CADM2: variants seen among roughly 807,000 people sequenced by gnomAD.
CADM2 encodes the protein immunoglobulin superfamily member 4D.
Under a neutral mutation model 49.8 loss-of-function variants are expected in CADM2, and 12 were observed. The observed-to-expected ratio is 0.24, with a 90% CI of 0.15 to 0.39. The LOEUF (loss-of-function observed/expected upper bound fraction) is 0.39. CADM2 is among the 10% of genes least tolerant of loss of function. The pLI is 1.00. For missense variants in CADM2, 378 were observed against 492.3 expected, an observed-to-expected ratio of 0.77 and a Z score of 2.20; for synonymous variants, 214 against 175.4, an observed-to-expected ratio of 1.22 and a Z score of -1.74.
chr3:86,052,416 T>A (rs1173310049), intron 8 of CADM2, among the ~76,000 whole-genome samples: 1 of 152,138 alleles, frequency 6.6e-6, no homozygotes, highest in Non-Finnish European at 1.5e-5. Flanking sequence ...GCCATTTAAA[T>A]TTTTCTTCAG....
At chr3:85,566,190 T>C (rs138853938) in intron 1 of CADM2, among the ~76,000 whole-genome samples, 1 of 152,280 alleles carries the variant, frequency 6.6e-6, no homozygotes, top group African/African-American at 2.4e-5. Flanking sequence ...ATTTTCTGTA[T>C]TTTCGATTGA....
intron 1 of CADM2, among the ~76,000 whole-genome samples, chr3:85,078,251 T>C (rs1033535337): frequency 1.3e-5 from 2 of 151,916 alleles, no homozygotes; most frequent in African/African-American, 4.8e-5. Context: ...AACAGAAAAT[T>C]CATATCTGGT....
chr3:85,188,798 G>A (rs1276386654), intron 1 of CADM2, among the ~76,000 whole-genome samples: 1 of 152,044 alleles, frequency 6.6e-6, no homozygotes, highest in Non-Finnish European at 1.5e-5. Flanking sequence ...TTGGGAGGCT[G>A]AGGTGGGCGG....
At chr3:85,531,603 C>T (rs2061310014) in intron 1 of CADM2, among the ~76,000 whole-genome samples, 1 of 152,132 alleles carries the variant, frequency 6.6e-6, no homozygotes, top group Non-Finnish European at 1.5e-5. Flanking sequence ...ATTTGCAACT[C>T]TCTGGTTTTT....
chr3:85,664,133 C>T (rs1211207274), intron 1 of CADM2, among the ~76,000 whole-genome samples: 1 of 151,960 alleles, frequency 6.6e-6, no homozygotes, highest in East Asian at 1.9e-4. Flanking sequence ...TACTGTATCT[C>T]TAGACTTTGG....
intron 1 of CADM2, among the ~76,000 whole-genome samples, chr3:85,359,657 TATA>T (rs1164147890): frequency 5.4e-4 from 11 of 20,516 alleles, no homozygotes; most frequent in East Asian, 4.0e-3. Context: ...TATATATATA[TATA>T]TATATATTTT....
intron 2 of CADM2, among the ~76,000 whole-genome samples, chr3:85,780,179 C>T (rs2070566006): frequency 6.6e-6 from 1 of 151,916 alleles, no homozygotes; most frequent in Non-Finnish European, 1.5e-5. Context: ...TTAATGCTGC[C>T]ATCAGAAAAA....
At chr3:85,541,764 T>C (rs1373269783) in intron 1 of CADM2, among the ~76,000 whole-genome samples, 4 of 14,868 alleles carry the variant, frequency 2.7e-4, no homozygotes, top group Non-Finnish European at 1.1e-3. Flanking sequence ...TTTATATATA[T>C]ATTTTATATT....
chr3:85,303,463 T>C (rs1342414489), intron 1 of CADM2, among the ~76,000 whole-genome samples: 4 of 151,890 alleles, frequency 2.6e-5, no homozygotes, highest in African/African-American at 2.4e-5. Flanking sequence ...ACGGGTGTTA[T>C]ATTCAGCTGA....
At chr3:85,748,187 G>A (rs1295416768) in intron 2 of CADM2, among the ~76,000 whole-genome samples, 2 of 151,820 alleles carry the variant, frequency 1.3e-5, no homozygotes, top group Non-Finnish European at 2.9e-5. Context: ...CAAACTCTCA[G>A]GAACATTCCT....
intron 3 of CADM2, among the ~76,000 whole-genome samples, chr3:85,849,649 T>C (rs11919075): frequency 0.036 from 5,520 of 152,264 alleles, 310 homozygotes; most frequent in African/African-American, 0.13. Context: ...TTTTGAGTAT[T>C]AATCATCATA....
chr3:85,814,714 A>G (rs571771861), intron 3 of CADM2, among the ~76,000 whole-genome samples: 2 of 152,158 alleles, frequency 1.3e-5, no homozygotes, highest in South Asian at 4.2e-4. Context: ...CATAAATACC[A>G]TCTAACATCA....
intron 1 of CADM2, among the ~76,000 whole-genome samples, chr3:85,274,917 G>A (rs564753103): frequency 1.3e-5 from 2 of 151,564 alleles, no homozygotes; most frequent in South Asian, 2.1e-4. Flanking sequence ...AAGTGCAGGG[G>A]AGTAAGGCTG....
rs538195398 is a variant in CADM2 at position 85,206,569 on chromosome 3, A to G, written c.61+246901A>G. ...TGATCCGCCCACCTCGGCCTCCCAA[A>G]GTGCTGGGATTACAGGCGTGAGCCA... is the stretch of plus-strand genomic sequence containing the variant. On this transcript the variant is annotated intron_variant, in intron 1 of 9. Transcript: ENST00000383699. Among the ~76,000 whole-genome samples, 14 of 152,018 alleles carry G rather than the reference A, an allele frequency of 9.2e-5. No homozygotes were observed. In the South Asian group the frequency reaches 2.9e-3, roughly 32 times the overall value.
At chr3:85,434,830 G>A (rs2036851662) in intron 1 of CADM2, among the ~76,000 whole-genome samples, 2 of 152,032 alleles carry the variant, frequency 1.3e-5, no homozygotes, top group Non-Finnish European at 2.9e-5. Flanking sequence ...AATGTGACCC[G>A]TTTAAAAGCT....
intron 8 of CADM2, among the ~76,000 whole-genome samples, chr3:86,028,209 T>TA (rs1186767714): frequency 2.5e-5 from 3 of 118,162 alleles, no homozygotes; most frequent in Non-Finnish European, 5.4e-5. Context: ...AATAAATAAA[T>TA]AAAAAAAAGA....
intron 5 of CADM2, among the ~76,000 whole-genome samples, chr3:85,893,844 A>G (rs2108426708): frequency 6.6e-6 from 1 of 152,246 alleles, no homozygotes; most frequent in Middle Eastern, 3.4e-3. Context: ...AAGTCAGGAA[A>G]CAACAGGTGC....
chr3:85,906,941 G>A (rs567493148), intron 5 of CADM2, among the ~76,000 whole-genome samples: 9 of 152,292 alleles, frequency 5.9e-5, no homozygotes, highest in African/African-American at 1.9e-4. Context: ...GTTACTGAAT[G>A]AATTAGCCAG....
chr3:85,897,869 G>T (rs944591791), intron 5 of CADM2, among the ~76,000 whole-genome samples: 2 of 152,062 alleles, frequency 1.3e-5, no homozygotes, highest in African/African-American at 4.8e-5. Flanking sequence ...TGTCCCCTGA[G>T]TTTAAAGTCC....
Sources: gnomAD v4.1 joint callset for allele counts (sites outside exome capture counted in the v4.1 genomes callset) on GRCh38, gnomAD v4.1.1 for gene constraint, MANE v1.5 for transcripts, NCBI Gene and HGNC (gene_info 2026-07-23, HGNC 2026-07-21) for gene names.